The following ZFP64 variants were observed in gnomAD, a reference collection of about 807,000 sequenced individuals.
The protein encoded by ZFP64 is ZFP64 zinc finger protein, also known as zinc finger protein 64.
ZFP64 carries 14 observed loss-of-function variants against 51.6 expected under a neutral mutation model. The observed-to-expected ratio is 0.27, with a 90% CI of 0.18 to 0.42. ZFP64 has a LOEUF of 0.42. ZFP64 is among the 10% of genes least tolerant of loss of function. The pLI, the probability that ZFP64 is intolerant of heterozygous loss-of-function variation, is 1.00. For synonymous variants in ZFP64, 375 were observed against 361.4 expected, an observed-to-expected ratio of 1.04 and a Z score of -0.43; for missense variants, 754 against 906.8, an observed-to-expected ratio of 0.83 and a Z score of 2.16.
intron 3 of ZFP64, chr20:52,165,611 G>A (rs1982193554): frequency 4.6e-6 from 3 of 658,978 alleles, no homozygotes; most frequent in Non-Finnish European, 8.3e-6. Flanking sequence ...AAAATTTATA[G>A]CAACCTGAAA....
chr20:52,165,327 AT>A (rs368804421), intron 3 of ZFP64: 5 of 456,142 alleles, frequency 1.1e-5, no homozygotes, highest in African/African-American at 1.0e-4. Flanking sequence ...ACACTGAAGT[AT>A]TTAGGAATAA....
At chr20:52,142,682 A>C (rs1193945782) in intron 5 of ZFP64, among the ~76,000 whole-genome samples, 1 of 142,970 alleles carries the variant, frequency 7.0e-6, no homozygotes, top group African/African-American at 2.5e-5. Context: ...TCTACTAAAA[A>C]TATAAAAATT....
At chr20:52,166,169 G>C in intron 2 of ZFP64, 144 bp from the exon 3 acceptor site, 1 of 590,722 alleles carries the variant, frequency 1.7e-6, no homozygotes, top group Non-Finnish European at 2.5e-6. Context: ...ATGTGACCCA[G>C]TTCTAGCTAA....
At chr20:52,163,233 T>C (rs943172340) in intron 4 of ZFP64, among the ~76,000 whole-genome samples, 2 of 152,036 alleles carry the variant, frequency 1.3e-5, no homozygotes, top group Non-Finnish European at 2.9e-5. Context: ...TGTTGGTGCA[T>C]GCCTGTAATC....
intron 5 of ZFP64, among the ~76,000 whole-genome samples, chr20:52,103,472 G>A (rs570223370): frequency 3.9e-5 from 6 of 152,126 alleles, no homozygotes; most frequent in Non-Finnish European, 7.3e-5. Flanking sequence ...GGCCGGCAGA[G>A]TTTGCGTCCT....
intron 2 of ZFP64, among the ~76,000 whole-genome samples, chr20:52,168,478 G>T (rs1023140012): frequency 6.6e-6 from 1 of 152,146 alleles, no homozygotes; most frequent in African/African-American, 2.4e-5. Context: ...AATTTTTTGG[G>T]CCCCATCTCA....
chr20:52,110,124 C>T (rs572099231), intron 5 of ZFP64, among the ~76,000 whole-genome samples: 106 of 152,260 alleles, frequency 7.0e-4, no homozygotes, highest in Non-Finnish European at 1.1e-3. Flanking sequence ...GGTCATTTCA[C>T]CAGCCACCTG....
At chr20:52,169,883 A>G (rs1982579232) in intron 2 of ZFP64, among the ~76,000 whole-genome samples, 1 of 151,460 alleles carries the variant, frequency 6.6e-6, no homozygotes, top group South Asian at 2.1e-4. Flanking sequence ...AAGAAACCCC[A>G]TATCGACTAA....
In ZFP64 at chr20:52,160,492, C is replaced by T; in HGVS notation, c.512-118G>A. On this transcript the variant is annotated intron_variant, in intron 4 of 5. Coordinates refer to ENST00000216923, the MANE Select transcript of ZFP64 (RefSeq NM_018197.3). This position sits in a 1 kb window ranked among gnomAD's most constrained non-coding sequence, Gnocchi z 4.2. Reference sequence around the variant, plus strand: ...CAACCACCGAAGAATATTCCAAAAACCCTAAAACACTGGGTGGATGATTGG... The same window carrying T: ...CAACCACCGAAGAATATTCCAAAAATCCTAAAACACTGGGTGGATGATTGG... 1 of 1,364,332 alleles carries T rather than the reference C, an allele frequency of 7.3e-7. No homozygotes were observed. The highest frequency in any genetic ancestry group is 9.8e-7 in the Non-Finnish European group (1 of 1,021,774). The allele number at this position is 1,364,332 out of a possible 1,614,324, so 84.5% of individuals were successfully genotyped here. A position where few individuals can be genotyped will look rare whatever the true frequency, so the allele number is the denominator to read the frequency against.
rs534580703 is a variant in ZFP64 at position 52,164,563 on chromosome 20, A to T, written c.511+132T>A. ...GTGTACAAATGGCACCTTATTTTTT[A>T]AAATCTGGACTTGTATTCCCATAAC... On this transcript the variant is annotated intron_variant, in intron 4 of 5. Coordinates refer to ENST00000216923, the MANE Select transcript of ZFP64 (RefSeq NM_018197.3). 30 of 788,250 alleles carry T rather than the reference A, an allele frequency of 3.8e-5. 1 individual carries two copies. The South Asian group carries it at 4.7e-4, about 12-fold the overall frequency. The allele number at this position is 788,250 out of a possible 1,614,324, so 48.8% of individuals were successfully genotyped here. A position where few individuals can be genotyped will look rare whatever the true frequency, so the allele number is the denominator to read the frequency against.
exon 9 of ZFP64, chr20:52,084,981 G>A: frequency 6.2e-7 from 1 of 1,614,024 alleles, no homozygotes; most frequent in South Asian, 1.1e-5. Flanking sequence ...GGCCGCGCTG[G>A]AGCAGGAGTA....
At chr20:52,116,221 C>T (rs1044204478) in intron 5 of ZFP64, among the ~76,000 whole-genome samples, 2 of 151,694 alleles carry the variant, frequency 1.3e-5, no homozygotes, top group Non-Finnish European at 2.9e-5. Flanking sequence ...CTGTAACTTC[C>T]ACCTCCCAGG....
chr20:52,102,396 G>A (rs546028646), intron 5 of ZFP64, among the ~76,000 whole-genome samples: 35 of 152,150 alleles, frequency 2.3e-4, no homozygotes, highest in Admixed American at 2.2e-3. Flanking sequence ...GCCGATGCTG[G>A]TCTGGGAACC....
chr20:52,108,864 AC>A (rs1376055784), intron 5 of ZFP64, among the ~76,000 whole-genome samples: 9 of 69,130 alleles, frequency 1.3e-4, no homozygotes, highest in East Asian at 3.4e-4. Flanking sequence ...AATCTGAAAC[AC>A]ACACACACAC....
intron 5 of ZFP64, among the ~76,000 whole-genome samples, chr20:52,121,449 G>A (rs1979188045): frequency 6.6e-6 from 1 of 152,216 alleles, no homozygotes. Context: ...TCTGGACGGA[G>A]GGTCAAACCA....
rs757911046 is a variant in ZFP64 at position 52,085,152 on chromosome 20, T to C, written c.1343A>G (p.Asp448Gly). 11 of 1,614,102 alleles carry C rather than the reference T, an allele frequency of 6.8e-6. No individual in the cohort carries two copies. The highest frequency in any genetic ancestry group is 9.3e-6 in the Non-Finnish European group (11 of 1,180,048). The change falls in exon 9 of 9, where the codon GAC becomes GGC. Residue 448 changes from aspartate to glycine, a missense_variant. Physicochemically the swap from Asp to Gly is moderately conservative, Grantham distance 94. Transcript: ENST00000361387. The surrounding 1 kb of genome is among the most constrained non-coding windows in gnomAD (Gnocchi z 4.3). ...ATTCGCCTTCATGGTGCAGCGGACGTCGCAGAACTCGCACTTGAAAGGCTT... is the reference window on the plus strand; with the variant it reads ...ATTCGCCTTCATGGTGCAGCGGACGCCGCAGAACTCGCACTTGAAAGGCTT...
chr20:52,098,882 G>A (rs546425941), intron 5 of ZFP64, among the ~76,000 whole-genome samples: 18 of 151,538 alleles, frequency 1.2e-4, no homozygotes, highest in East Asian at 3.9e-4. Flanking sequence ...TGTGCCTGTA[G>A]TCCCAGCTAC....
rs779139239 is a variant in ZFP64, at chr20:52,153,452, A to G, written c.764-24T>C. 2.5e-6 allele frequency: 4 copies of G among 1,603,656 alleles called. No homozygotes were observed. The South Asian group carries it at 3.4e-5, about 13-fold the overall frequency. On this transcript the variant is annotated intron_variant, in intron 5 of 5. Transcript: ENST00000216923. This position sits in a 1 kb window ranked among gnomAD's most constrained non-coding sequence, Gnocchi z 5.1. ...CCCTGTCAACACAAGGTGAGTTTCG[A>G]TAAGAACAGGCAGGCAACAACCACA...
chr20:52,145,407 C>G (rs776839309), intron 5 of ZFP64, among the ~76,000 whole-genome samples: 1 of 152,130 alleles, frequency 6.6e-6, no homozygotes, highest in Non-Finnish European at 1.5e-5. Flanking sequence ...AATCCCAGCA[C>G]TTTGGGAGGC....
Sources: gnomAD v4.1 joint callset for allele counts (sites outside exome capture counted in the v4.1 genomes callset) on GRCh38, gnomAD v4.1.1 for gene constraint, Gnocchi (gnomAD v3.1) non-coding constraint, MANE v1.5 for transcripts, NCBI Gene and HGNC (gene_info 2026-07-23, HGNC 2026-07-21) for gene names.